Variants in WDPCP observed in about 807,000 individuals in gnomAD.
WDPCP encodes the protein WD repeat containing planar cell polarity effector.
WDPCP carries 71 observed loss-of-function variants against 93.1 expected under a neutral mutation model. The ratio of observed to expected loss-of-function variants is 0.76; its 90% CI spans 0.63 to 0.93. The LOEUF is 0.93. WDPCP is among the 40% of genes least tolerant of loss of function. The pLI is 0.00. For synonymous variants in WDPCP, 315 were observed against 315.0 expected (o/e 1.00, Z 0.00); for missense variants, 844 against 887.4 (o/e 0.95, Z 0.62).
chr2:63,804,071 T>C (rs1352207823), intron 2 of WDPCP, among the ~76,000 whole-genome samples: 1 of 152,180 alleles, frequency 6.6e-6, no homozygotes, highest in Non-Finnish European at 1.5e-5. Flanking sequence ...TCCTAGATGA[T>C]ACTTCACTTG....
intron 2 of WDPCP, among the ~76,000 whole-genome samples, chr2:63,745,644 AC>A (rs1669783661): frequency 1.8e-4 from 1 of 5,482 alleles, no homozygotes; most frequent in African/African-American, 2.2e-4. Context: ...GCACGCACTT[AC>A]ACACACACAC....
intron 2 of WDPCP, among the ~76,000 whole-genome samples, chr2:63,724,340 G>A (rs549640307): frequency 6.7e-6 from 1 of 150,284 alleles, no homozygotes; most frequent in African/African-American, 2.5e-5. Flanking sequence ...CTAAACTACT[G>A]AAGGGCAAAA....
chr2:63,313,917 C>A (rs1686420951), intron 12 of WDPCP, among the ~76,000 whole-genome samples: 1 of 15,712 alleles, frequency 6.4e-5, no homozygotes. Context: ...GAGTCTCGCT[C>A]TGTCACCAGG....
chr2:63,776,266 C>T (rs1022754713), intron 2 of WDPCP, among the ~76,000 whole-genome samples: 3 of 151,140 alleles, frequency 2.0e-5, no homozygotes, highest in Non-Finnish European at 3.0e-5. Context: ...GAATTGTATC[C>T]AGAATACATG....
chr2:63,758,826 G>A (rs1038935285), intron 2 of WDPCP, among the ~76,000 whole-genome samples: 5 of 151,880 alleles, frequency 3.3e-5, no homozygotes, highest in African/African-American at 9.7e-5. Context: ...TGCCCAGGCT[G>A]GAGTGCAGTG....
At chr2:63,752,404 CT>C in intron 2 of WDPCP, 1 of 761,750 alleles carries the variant, frequency 1.3e-6, no homozygotes, top group Non-Finnish European at 2.4e-6. Flanking sequence ...TCCCATCCAC[CT>C]TGTGTGGCCT....
At chr2:63,783,584 T>C (rs1346055688) in intron 2 of WDPCP, among the ~76,000 whole-genome samples, 1 of 152,148 alleles carries the variant, frequency 6.6e-6, no homozygotes, top group African/African-American at 2.4e-5. Flanking sequence ...TGGAATACTA[T>C]TCAGCCATAA....
At chr2:63,584,113 ATACCACTGCACT>A (rs1442010377) in intron 1 of WDPCP, among the ~76,000 whole-genome samples, 1 of 151,888 alleles carries the variant, frequency 6.6e-6, no homozygotes. Context: ...TGATATGATC[ATACCACTGCACT>A]CCAGCCTGGG....
intron 2 of WDPCP, among the ~76,000 whole-genome samples, chr2:63,733,183 ATTTTTT>A (rs70965141): frequency 2.1e-5 from 2 of 94,934 alleles, no homozygotes; most frequent in African/African-American, 9.0e-5. Flanking sequence ...CAAATAAATG[ATTTTTT>A]TTTTTTTTTT....
chr2:63,534,257 T>TCA (rs1704086633), intron 1 of WDPCP, among the ~76,000 whole-genome samples: 1 of 152,192 alleles, frequency 6.6e-6, no homozygotes, highest in Admixed American at 6.5e-5. Context: ...CCAGGTGGAT[T>TCA]CACAGCCGAA....
intron 14 of WDPCP, among the ~76,000 whole-genome samples, chr2:63,210,963 C>T (rs961529902): frequency 2.0e-5 from 3 of 152,176 alleles, no homozygotes; most frequent in Non-Finnish European, 2.9e-5. Flanking sequence ...CCAGGAAGCT[C>T]GAAATGGGTG....
intron 1 of WDPCP, among the ~76,000 whole-genome samples, chr2:63,815,621 G>A (rs1159561328): frequency 6.6e-6 from 1 of 152,148 alleles, no homozygotes; most frequent in Non-Finnish European, 1.5e-5. Flanking sequence ...TACAGCTGGA[G>A]AGTCTCCACA....
At chr2:63,683,572 G>A (rs944864605) in intron 2 of WDPCP, among the ~76,000 whole-genome samples, 31 of 152,122 alleles carry the variant, frequency 2.0e-4, no homozygotes, top group Non-Finnish European at 1.2e-4. Context: ...GAGACAAAGG[G>A]CTGGGCGCAG....
rs149059016 is a variant in WDPCP at position 63,273,540 on chromosome 2, T to G, written c.1813-14131A>C. Among the ~76,000 whole-genome samples, 420 of 152,008 alleles carry G rather than the reference T, an allele frequency of 2.8e-3. 3 individuals are homozygous for G. The highest frequency in any genetic ancestry group is 9.7e-3 in the African/African-American group (401 of 41,496). On this transcript the variant is annotated intron_variant, in intron 13 of 17. Transcript: ENST00000272321. ...ATTTAAAAGATACAGACAGCTTGAA[T>G]GTATTAAAAAGACATGACCCAACTA...
At chr2:63,740,572 T>C (rs926785947) in intron 2 of WDPCP, among the ~76,000 whole-genome samples, 19 of 152,168 alleles carry the variant, frequency 1.2e-4, no homozygotes, top group African/African-American at 4.3e-4. Flanking sequence ...CCATAAATTA[T>C]CTGTTTGTTT....
chr2:63,476,969 T>C (rs748179925), intron 6 of WDPCP, among the ~76,000 whole-genome samples: 9 of 152,190 alleles, frequency 5.9e-5, no homozygotes, highest in African/African-American at 1.2e-4. Context: ...CCTTTTATGA[T>C]TGTGCCTGAA....
At chr2:63,482,951 T>C (rs1489842956) in intron 6 of WDPCP, among the ~76,000 whole-genome samples, 1 of 151,980 alleles carries the variant, frequency 6.6e-6, no homozygotes, top group Non-Finnish European at 1.5e-5. Flanking sequence ...ATTATATATA[T>C]ATTTTATCAT....
chr2:63,819,292 T>G (rs2104118845), intron 1 of WDPCP, among the ~76,000 whole-genome samples: 1 of 152,308 alleles, frequency 6.6e-6, no homozygotes, highest in Non-Finnish European at 1.5e-5. Context: ...TGTCTGATTA[T>G]TTTTCTGTGA....
intron 2 of WDPCP, among the ~76,000 whole-genome samples, chr2:63,652,198 C>G (rs1375760382): frequency 6.6e-6 from 1 of 152,178 alleles, no homozygotes; most frequent in Non-Finnish European, 1.5e-5. Context: ...GAACATTAGC[C>G]CAGTATAAGC....
Sources: gnomAD v4.1 joint callset for allele counts (sites outside exome capture counted in the v4.1 genomes callset) on GRCh38, gnomAD v4.1.1 for gene constraint, MANE v1.5 for transcripts, NCBI Gene and HGNC (gene_info 2026-07-23, HGNC 2026-07-21) for gene names.